Variants in MICU3 observed in about 807,000 individuals in gnomAD.
MICU3 encodes mitochondrial calcium uptake 3.
Under a neutral mutation model 66.5 loss-of-function variants are expected in MICU3, and 62 were observed. The observed-to-expected ratio is 0.93, with a 90% CI of 0.76 to 1.15. MICU3 has a LOEUF of 1.15. Ranked by LOEUF, MICU3 falls within the 50% of genes most tolerant of loss-of-function variation. MICU3 has a pLI of 0.00. For missense variants in MICU3, 779 were observed against 664.4 expected, an observed-to-expected ratio of 1.17 and a Z score of -1.90; for synonymous variants, 308 against 240.7, an observed-to-expected ratio of 1.28 and a Z score of -2.59.
intron 13 of MICU3, among the ~76,000 whole-genome samples, chr8:17,116,948 C>T (rs1802740715): frequency 6.6e-6 from 1 of 152,016 alleles, no homozygotes; most frequent in African/African-American, 2.4e-5. Flanking sequence ...ATAAATATCA[C>T]TATTTGTCAC....
At position 17,104,488 on chromosome 8, in the gene MICU3, A is replaced by C. The variant is rs746832652; in HGVS notation, c.1082A>C (p.Tyr361Ser). 7.1e-7 allele frequency: 1 copy of C among 1,403,790 alleles called. No individual in the cohort carries two copies. The highest frequency in any genetic ancestry group is 9.6e-7 in the Non-Finnish European group (1 of 1,046,680). The allele number at this position is 1,403,790 out of a possible 1,614,324, so 87.0% of individuals were successfully genotyped here. The part of the protein sequence containing the change: ...GKAELNFEDF[Y>S]RFMDNLQTEV... ...GCTGAGCTCAACTTTGAAGATTTTT[A>C]TAGGTGAGCTTATTTTTATATTTTT... Residue 361 changes from tyrosine to serine, a missense_variant, in exon 10 of 15, where the codon TAT becomes TCT. Coordinates refer to ENST00000318063, the MANE Select transcript of MICU3 (RefSeq NM_181723.3).
At chr8:17,124,307 CTTGT>C (rs1803347667), downstream of MICU3, among the ~76,000 whole-genome samples, 1 of 151,868 alleles carries the variant, frequency 6.6e-6, no homozygotes, top group South Asian at 2.1e-4. Context: ...TTGCAGTTTG[CTTGT>C]TTGTCTACCT....
chr8:17,064,316 GT>G, intron 2 of MICU3, 79 bp downstream of exon 2: 2 of 1,130,458 alleles, frequency 1.8e-6, no homozygotes, highest in Non-Finnish European at 2.5e-6. Flanking sequence ...AGCAGTATAA[GT>G]TTTTTAGAAG....
At chr8:17,089,583 G>C (rs1799826424) in intron 7 of MICU3, among the ~76,000 whole-genome samples, 1 of 151,980 alleles carries the variant, frequency 6.6e-6, no homozygotes, top group African/African-American at 2.4e-5. Context: ...AATTACATAA[G>C]AGAGAGAGCA....
chr8:17,136,109 T>G, the MICU3 span, among the ~76,000 whole-genome samples: 1 of 151,942 alleles, frequency 6.6e-6, no homozygotes, highest in African/African-American at 2.4e-5. Context: ...CCAACACAAC[T>G]CCTAGGGTAT....
chr8:17,031,288 T>TATTATTATC (rs897832205), intron 1 of MICU3, among the ~76,000 whole-genome samples: 2 of 148,006 alleles, frequency 1.4e-5, no homozygotes, highest in African/African-American at 2.5e-5. Context: ...TTATTATTAT[T>TATTATTATC]ATTATTATTA....
At chr8:17,083,669 A>G (rs905784562) in intron 5 of MICU3, among the ~76,000 whole-genome samples, 1 of 152,114 alleles carries the variant, frequency 6.6e-6, no homozygotes, top group African/African-American at 2.4e-5. Context: ...GTGCTGAAGA[A>G]CTAGTATTGT....
rs1372153277 is a variant in MICU3, at chr8:17,121,561, C to T, written c.*1274C>T. On this transcript the variant is annotated 3_prime_UTR_variant, in exon 15 of 15. Coordinates refer to ENST00000318063, the MANE Select transcript of MICU3 (RefSeq NM_181723.3). The stretch of plus-strand genomic sequence containing the variant: ...TATGGAAGATAAGTTCATTTATCTT[C>T]CTTTCTAAGACATATTTAATGTAGG... 6.6e-6 allele frequency: 1 copy of T among 152,142 alleles called. No homozygotes were observed. Among genetic ancestry groups the T allele is most frequent in the African/African-American group, 2.4e-5 (1 of 41,406 alleles). 9.4% of individuals were successfully genotyped at this position (152,142 alleles called of 1,614,324 possible). A position where few individuals can be genotyped will look rare whatever the true frequency, so the allele number is the denominator to read the frequency against.
intron 1 of MICU3, among the ~76,000 whole-genome samples, chr8:17,050,828 C>G (rs191481778): frequency 6.6e-6 from 1 of 152,036 alleles, no homozygotes; most frequent in African/African-American, 2.4e-5. Context: ...TTTTAAAAAA[C>G]GCAGTATAAG....
chr8:17,137,561 A>C, the MICU3 span, among the ~76,000 whole-genome samples: 62 of 150,208 alleles, frequency 4.1e-4, no homozygotes, highest in African/African-American at 1.5e-3. Context: ...TTTTCATTTC[A>C]CACTGGGCTT....
chr8:17,061,314 G>T (rs891151127), intron 1 of MICU3, among the ~76,000 whole-genome samples: 2 of 152,068 alleles, frequency 1.3e-5, no homozygotes, highest in Non-Finnish European at 2.9e-5. Context: ...GTAAGCTGGG[G>T]GATTGATAGA....
At chr8:17,086,255 G>C (rs1051449311) in intron 6 of MICU3, among the ~76,000 whole-genome samples, 3 of 152,084 alleles carry the variant, frequency 2.0e-5, no homozygotes, top group African/African-American at 7.2e-5. Context: ...CTGAAACTCA[G>C]AGGAAGTCTA....
At chr8:17,120,206 A>G (rs1803094184) in intron 14 of MICU3, 82 bp from the exon 15 acceptor site, 1 of 116,024 alleles carries the variant, frequency 8.6e-6, no homozygotes, top group African/African-American at 4.0e-5. Flanking sequence ...GTTTCATATT[A>G]TTATAAGAAT....
chr8:17,052,114 A>G (rs912306656), intron 1 of MICU3, among the ~76,000 whole-genome samples: 1 of 152,180 alleles, frequency 6.6e-6, no homozygotes, highest in Non-Finnish European at 1.5e-5. Flanking sequence ...CTTTCAATCA[A>G]ATAATGAGAT....
intron 2 of MICU3, among the ~76,000 whole-genome samples, chr8:17,066,916 G>A (rs542254198): frequency 1.3e-5 from 2 of 152,066 alleles, no homozygotes; most frequent in East Asian, 3.9e-4. Context: ...TACATTCACT[G>A]GAAGCACACT....
At chr8:17,058,133 A>G (rs1392160475) in intron 1 of MICU3, among the ~76,000 whole-genome samples, 1 of 152,178 alleles carries the variant, frequency 6.6e-6, no homozygotes, top group Non-Finnish European at 1.5e-5. Flanking sequence ...GACTTTTGAC[A>G]TATTACACTT....
chr8:17,122,160 G>T lies in MICU3; in HGVS notation c.*1873G>T, dbSNP rs1803240914. 6.6e-6 allele frequency: 1 copy of T among 151,724 alleles called. No homozygotes were observed. The highest frequency in any genetic ancestry group is 2.4e-5 in the African/African-American group (1 of 41,376). The allele number at this position is 151,724 out of a possible 1,614,324, so 9.4% of individuals were successfully genotyped here. On this transcript the variant is annotated 3_prime_UTR_variant, in exon 15 of 15. Coordinates refer to ENST00000318063, the MANE Select transcript of MICU3 (RefSeq NM_181723.3). Reference sequence around the variant, plus strand: ...TTATTTTATTCTTTATTGCTTATCAGAGTGAGTGGATGAAAACATTTGTAA... The same window carrying T: ...TTATTTTATTCTTTATTGCTTATCATAGTGAGTGGATGAAAACATTTGTAA...
At position 17,086,028 on chromosome 8, in the gene MICU3, T is replaced by C. The variant is rs143980493; in HGVS notation, c.777+710T>C. Among the ~76,000 whole-genome samples the C allele has an allele frequency of 8.3e-3, 1,262 of 152,246 alleles. 12 individuals are homozygous for C. The highest frequency in any genetic ancestry group is 0.028 in the African/African-American group (1,183 of 41,548). ...TAATGTATTCCTTAGAGTAACATGCTCTGCTTTTAGCATATATATTACACT... is the reference window on the plus strand; with the variant it reads ...TAATGTATTCCTTAGAGTAACATGCCCTGCTTTTAGCATATATATTACACT... On this transcript the variant is annotated intron_variant, in intron 6 of 14. Coordinates refer to ENST00000318063, the MANE Select transcript of MICU3 (RefSeq NM_181723.3).
downstream of MICU3, among the ~76,000 whole-genome samples, chr8:17,123,728 A>C (rs1452469687): frequency 1.3e-5 from 2 of 152,034 alleles, no homozygotes; most frequent in East Asian, 3.9e-4. Context: ...TATTCAATGA[A>C]ATACTATATA....
Sources: gnomAD v4.1 joint callset for allele counts (sites outside exome capture counted in the v4.1 genomes callset) on GRCh38, gnomAD v4.1.1 for gene constraint, MANE v1.5 for transcripts, NCBI Gene and HGNC (gene_info 2026-07-23, HGNC 2026-07-21) for gene names.